The following NFATC2 variants were observed in gnomAD, a reference collection of about 807,000 sequenced individuals.
NFATC2 encodes nuclear factor of activated T-cells, cytoplasmic 2.
NFATC2 carries 22 observed loss-of-function variants against 87.3 expected under a neutral mutation model. That is an observed-to-expected ratio of 0.25 (90% confidence interval 0.18 to 0.36). The LOEUF (loss-of-function observed/expected upper bound fraction) is 0.36. Ranked by LOEUF, NFATC2 falls within the 10% of genes least tolerant of loss-of-function variation. The pLI is 1.00. For synonymous variants in NFATC2, 565 were observed against 542.2 expected, an observed-to-expected ratio of 1.04 and a Z score of -0.58; for missense variants, 1,149 against 1,259.1, an observed-to-expected ratio of 0.91 and a Z score of 1.32.
intron 3 of NFATC2, among the ~76,000 whole-genome samples, chr20:51,508,463 A>G (rs569910377): frequency 1.3e-5 from 2 of 152,218 alleles, no homozygotes; most frequent in East Asian, 3.9e-4. Flanking sequence ...TTTGGACTGT[A>G]GTCTTTTTCA....
chr20:51,534,277 G>A (rs896513330), intron 1 of NFATC2, among the ~76,000 whole-genome samples: 1 of 152,098 alleles, frequency 6.6e-6, no homozygotes, highest in Non-Finnish European at 1.5e-5. Context: ...GTGCACAGGG[G>A]GAAGGGCTGT....
intron 6 of NFATC2, among the ~76,000 whole-genome samples, chr20:51,440,417 A>G (rs1341877255): frequency 6.6e-6 from 1 of 152,156 alleles, no homozygotes; most frequent in Non-Finnish European, 1.5e-5. Flanking sequence ...TTCCAAGTGC[A>G]TTTTATGATT....
At chr20:51,466,258 G>T (rs1987680008) in intron 5 of NFATC2, among the ~76,000 whole-genome samples, 1 of 152,094 alleles carries the variant, frequency 6.6e-6, no homozygotes, top group Non-Finnish European at 1.5e-5. Flanking sequence ...TCGCCATGTT[G>T]GCCAGGCTGG....
At chr20:51,562,704 C>T (rs1456041361), upstream of NFATC2, 1 of 1,412,284 alleles carries the variant, frequency 7.1e-7, no homozygotes, top group Non-Finnish European at 9.7e-7. This position sits in a 1 kb window ranked among gnomAD's most constrained non-coding sequence, Gnocchi z 5.8. Flanking sequence ...GAGGGGACGC[C>T]GTCTTCTCTA....
intron 3 of NFATC2, among the ~76,000 whole-genome samples, chr20:51,479,036 A>G (rs1015489871): frequency 1.7e-4 from 26 of 152,208 alleles, no homozygotes; most frequent in African/African-American, 6.3e-4. Context: ...GCCAGTTGAC[A>G]CCACTTTGGT....
chr20:51,438,104 G>C (rs1983826931), intron 6 of NFATC2, among the ~76,000 whole-genome samples: 1 of 152,192 alleles, frequency 6.6e-6, no homozygotes, highest in African/African-American at 2.4e-5. Flanking sequence ...AGTGTGCAAA[G>C]TCCTGTACAG....
chr20:51,483,351 A>G (rs202082603), intron 3 of NFATC2, among the ~76,000 whole-genome samples: 1 of 74 alleles, frequency 0.014, no homozygotes, highest in Non-Finnish European at 0.028. Flanking sequence ...GATGTTAAGT[A>G]GCATTTTGTT....
Position 51,388,956 on chromosome 20 carries a change from C to T in NFATC2, c.*2540G>A, listed in dbSNP as rs1272531176. The T allele has an allele frequency of 5.9e-5, 9 of 152,198 alleles. No individual in the cohort carries two copies. Among genetic ancestry groups the T allele is most frequent in the Non-Finnish European group, 1.3e-4 (9 of 68,030 alleles). The allele number at this position is 152,198 out of a possible 1,614,324, so 9.4% of individuals were successfully genotyped here. On this transcript the variant is annotated 3_prime_UTR_variant, in exon 11 of 11. Transcript: ENST00000371564. ...TGAGCCATCCTTCTTGGCAAAATTTCCTCCTAGCATTTGTAACTGACAAAA... is the reference window on the plus strand; with the variant it reads ...TGAGCCATCCTTCTTGGCAAAATTTTCTCCTAGCATTTGTAACTGACAAAA...
intron 1 of NFATC2, among the ~76,000 whole-genome samples, chr20:51,535,266 T>G (rs532118072): frequency 6.6e-6 from 1 of 152,296 alleles, no homozygotes; most frequent in South Asian, 2.1e-4. Context: ...CATCCCTTCT[T>G]TCCATCCTCT....
At chr20:51,426,764 T>C (rs1020952637) in intron 9 of NFATC2, among the ~76,000 whole-genome samples, 3 of 152,158 alleles carry the variant, frequency 2.0e-5, no homozygotes, top group Non-Finnish European at 4.4e-5. Context: ...TGGTGGTCAC[T>C]TTTGTAGAAG....
chr20:51,495,783 G>T (rs190933448), intron 3 of NFATC2, among the ~76,000 whole-genome samples: 4 of 152,212 alleles, frequency 2.6e-5, no homozygotes, highest in Admixed American at 6.5e-5. Context: ...CCATGCACTG[G>T]CTGGGTCTAC....
At chr20:51,504,433 G>A (rs1012985026) in intron 3 of NFATC2, among the ~76,000 whole-genome samples, 1 of 152,154 alleles carries the variant, frequency 6.6e-6, no homozygotes, top group Non-Finnish European at 1.5e-5. Flanking sequence ...AAAGTACCTG[G>A]CCTGTTTCCT....
chr20:51,431,750 T>C (rs925306711), intron 9 of NFATC2, among the ~76,000 whole-genome samples: 2 of 152,074 alleles, frequency 1.3e-5, no homozygotes, highest in Non-Finnish European at 2.9e-5. Context: ...GGAAAGAGTG[T>C]GGAAGCAGTT....
chr20:51,496,651 G>A (rs1033214379), intron 3 of NFATC2, among the ~76,000 whole-genome samples: 2 of 151,990 alleles, frequency 1.3e-5, no homozygotes, highest in East Asian at 3.9e-4. Flanking sequence ...TCTTTTTGGG[G>A]TACTATTATC....
At chr20:51,402,294 C>T (rs1369570302) in intron 9 of NFATC2, among the ~76,000 whole-genome samples, 1 of 152,124 alleles carries the variant, frequency 6.6e-6, no homozygotes, top group Non-Finnish European at 1.5e-5. Flanking sequence ...TGCAACTAAG[C>T]TGCACCTCTC....
chr20:51,462,989 G>C (rs1987309422), intron 5 of NFATC2, among the ~76,000 whole-genome samples: 1 of 152,246 alleles, frequency 6.6e-6, no homozygotes, highest in African/African-American at 2.4e-5. Flanking sequence ...TCCTCCCATT[G>C]GTCATCGTTC....
At chr20:51,445,189 T>C (rs1238986102) in intron 6 of NFATC2, among the ~76,000 whole-genome samples, 1 of 152,176 alleles carries the variant, frequency 6.6e-6, no homozygotes, top group Non-Finnish European at 1.5e-5. Flanking sequence ...AGGGCCCAGC[T>C]GGGCCTGCCC....
intron 9 of NFATC2, among the ~76,000 whole-genome samples, chr20:51,418,384 C>T (rs970732527): frequency 6.6e-6 from 1 of 152,230 alleles, no homozygotes; most frequent in Non-Finnish European, 1.5e-5. Flanking sequence ...ATCTGGGGTG[C>T]TACTGGCATC....
intron 5 of NFATC2, among the ~76,000 whole-genome samples, chr20:51,462,498 T>C (rs1987265898): frequency 6.6e-6 from 1 of 152,104 alleles, no homozygotes; most frequent in African/African-American, 2.4e-5. Context: ...AGACTACAGA[T>C]TGCAGGCACA....
Sources: gnomAD v4.1 joint callset for allele counts (sites outside exome capture counted in the v4.1 genomes callset) on GRCh38, gnomAD v4.1.1 for gene constraint, Gnocchi (gnomAD v3.1) non-coding constraint, MANE v1.5 for transcripts, NCBI Gene and HGNC (gene_info 2026-07-23, HGNC 2026-07-21) for gene names.